CSMD1: variants seen among roughly 807,000 people sequenced by gnomAD.
CSMD1 encodes the protein CUB and sushi domain-containing protein 1.
A neutral mutation model predicts 417.5 loss-of-function variants in CSMD1; 213 were observed. The observed-to-expected ratio is 0.51, with a 90% CI of 0.46 to 0.57. The LOEUF is 0.57. Among genes scored for constraint, CSMD1 ranks in the 20% least tolerant of loss-of-function variants. The pLI is 0.00. For synonymous variants in CSMD1, 2,862 were observed against 1,736.8 expected (o/e 1.65, Z -16.11); for missense variants, 6,923 against 4,529.7 (o/e 1.53, Z -15.17).
At chr8:3,598,699 G>T (rs143591049) in intron 8 of CSMD1, among the ~76,000 whole-genome samples, 1 of 152,306 alleles carries the variant, frequency 6.6e-6, no homozygotes, top group East Asian at 1.9e-4. Flanking sequence ...TGCCTTGGAT[G>T]CTAAAAACCT....
At chr8:4,785,505 T>C (rs2117207926) in intron 1 of CSMD1, among the ~76,000 whole-genome samples, 1 of 152,236 alleles carries the variant, frequency 6.6e-6, no homozygotes, top group South Asian at 2.1e-4. Context: ...AGAAAGCTGA[T>C]TACCCTAGAC....
At chr8:4,739,446 G>A (rs1003098622) in intron 1 of CSMD1, among the ~76,000 whole-genome samples, 1 of 152,154 alleles carries the variant, frequency 6.6e-6, no homozygotes, top group African/African-American at 2.4e-5. Flanking sequence ...AAGAGAAAAG[G>A]TCATGTGAAT....
At chr8:3,208,337 G>C (rs191082332) in intron 30 of CSMD1, among the ~76,000 whole-genome samples, 4 of 152,274 alleles carry the variant, frequency 2.6e-5, no homozygotes, top group East Asian at 3.9e-4. Flanking sequence ...TGTGATGTCA[G>C]CTCACTGCAA....
chr8:3,458,193 T>C (rs1391642631), intron 12 of CSMD1, among the ~76,000 whole-genome samples: 1 of 152,014 alleles, frequency 6.6e-6, no homozygotes, highest in Non-Finnish European at 1.5e-5. Context: ...GAAGGGAGAG[T>C]GCAATGTAGC....
At chr8:3,978,030 TC>T (rs755541569) in intron 5 of CSMD1, among the ~76,000 whole-genome samples, 3 of 152,162 alleles carry the variant, frequency 2.0e-5, no homozygotes, top group Non-Finnish European at 4.4e-5. Flanking sequence ...CACTTGCTTG[TC>T]CATCTCATAG....
chr8:4,655,797 T>C (rs995808593), intron 1 of CSMD1, among the ~76,000 whole-genome samples: 10 of 152,142 alleles, frequency 6.6e-5, no homozygotes, highest in Non-Finnish European at 1.2e-4. Context: ...AATCAATTAC[T>C]CAAAGACCTC....
At chr8:4,036,698 T>C (rs1585179418) in intron 3 of CSMD1, among the ~76,000 whole-genome samples, 1 of 152,258 alleles carries the variant, frequency 6.6e-6, no homozygotes, top group Non-Finnish European at 1.5e-5. Context: ...TCTCATTGTA[T>C]CTGACGTAAA....
intron 6 of CSMD1, among the ~76,000 whole-genome samples, chr8:3,749,509 G>A (rs566265260): frequency 6.6e-6 from 1 of 152,150 alleles, no homozygotes; most frequent in East Asian, 1.9e-4. Context: ...AAAGAATTTG[G>A]AGATGAAAGT....
At chr8:4,677,201 AT>A (rs1269259219) in intron 1 of CSMD1, among the ~76,000 whole-genome samples, 43 of 150,640 alleles carry the variant, frequency 2.9e-4, no homozygotes, top group South Asian at 6.2e-4. Context: ...ACTATACATA[AT>A]AGTTCTTAAG....
Position 3,957,686 on chromosome 8 carries a change from G to A in CSMD1, c.818+40217C>T, listed in dbSNP as rs569081508. On this transcript the variant is annotated intron_variant, in intron 5 of 69. Coordinates refer to ENST00000635120, the MANE Select transcript of CSMD1 (RefSeq NM_033225.6). Reference sequence around the variant, plus strand: ...GCTATTAACAGAGCAAGACCATGTCGGAAAAAAAAGAAGAGAAGAGGAAAA... The same window carrying A: ...GCTATTAACAGAGCAAGACCATGTCAGAAAAAAAAGAAGAGAAGAGGAAAA... Among the ~76,000 whole-genome samples the A allele has an allele frequency of 1.8e-4, 27 of 148,474 alleles. 1 individual carries two copies. The South Asian group carries it at 2.4e-3, about 13-fold the overall frequency.
At chr8:4,277,581 A>T (rs1340337624) in intron 3 of CSMD1, among the ~76,000 whole-genome samples, 1 of 152,160 alleles carries the variant, frequency 6.6e-6, no homozygotes, top group Non-Finnish European at 1.5e-5. Context: ...GTCTATACTC[A>T]TGAAAACAGC....
intron 3 of CSMD1, among the ~76,000 whole-genome samples, chr8:4,304,695 T>C (rs117631950): frequency 0.013 from 1,925 of 152,290 alleles, 25 homozygotes; most frequent in South Asian, 0.051. Flanking sequence ...AGTTTGAAGA[T>C]GATGCCCCTC....
At chr8:4,153,947 G>C (rs1018868346) in intron 3 of CSMD1, among the ~76,000 whole-genome samples, 2 of 152,304 alleles carry the variant, frequency 1.3e-5, no homozygotes, top group East Asian at 1.9e-4. Context: ...GCTTTCAAGT[G>C]TTTTCTGCAT....
rs192227988 is a variant in CSMD1 at position 4,831,815 on chromosome 8, C to A, written c.85+162517G>T. 2.0e-5 allele frequency among the ~76,000 whole-genome samples: 3 copies of A among 152,248 alleles called. No homozygotes were observed. In the East Asian group the frequency reaches 5.8e-4, roughly 29 times the overall value. ...CCCTTCAGGGACCAGCATCTCCCAC[C>A]CCCTCCCCTGACACTCAAAGACAAA... On this transcript the variant is annotated intron_variant, in intron 1 of 69. Transcript: ENST00000635120.
chr8:4,893,773 G>C (rs901547137), intron 1 of CSMD1, among the ~76,000 whole-genome samples: 1 of 152,090 alleles, frequency 6.6e-6, no homozygotes, highest in Non-Finnish European at 1.5e-5. Context: ...TGCTTTCAGA[G>C]CCAATGTCAC....
intron 1 of CSMD1, among the ~76,000 whole-genome samples, chr8:4,938,258 C>A (rs183776058): frequency 1.2e-4 from 19 of 152,190 alleles, no homozygotes; most frequent in African/African-American, 4.3e-4. Context: ...TCAATAATTT[C>A]CAAAACTCTA....
rs548369417 is a variant in CSMD1 at position 4,132,469 on chromosome 8, T to G, written c.416-100370A>C. On this transcript the variant is annotated intron_variant, in intron 3 of 69. Transcript: ENST00000635120. ...AACAAAATTCCATTTAACTTTTACTTTAACAGGAACATGGGTAGTATAATA... is the reference window on the plus strand; with the variant it reads ...AACAAAATTCCATTTAACTTTTACTGTAACAGGAACATGGGTAGTATAATA... 2.6e-5 allele frequency among the ~76,000 whole-genome samples: 4 copies of G among 152,276 alleles called. No individual in the cohort carries two copies. The South Asian group carries it at 8.3e-4, about 32-fold the overall frequency.
chr8:3,160,684 T>C (rs1052017359), intron 38 of CSMD1, among the ~76,000 whole-genome samples: 8 of 152,258 alleles, frequency 5.3e-5, no homozygotes, highest in African/African-American at 1.7e-4. Flanking sequence ...TATACATTGA[T>C]ACTGGTTTCT....
chr8:3,595,200 G>C (rs548975473), intron 8 of CSMD1, among the ~76,000 whole-genome samples: 1 of 152,184 alleles, frequency 6.6e-6, no homozygotes, highest in Non-Finnish European at 1.5e-5. Context: ...ATCCTAATAA[G>C]CAAGACCAGG....
Sources: gnomAD v4.1 joint callset for allele counts (sites outside exome capture counted in the v4.1 genomes callset) on GRCh38, gnomAD v4.1.1 for gene constraint, MANE v1.5 for transcripts, NCBI Gene and HGNC (gene_info 2026-07-23, HGNC 2026-07-21) for gene names.